GFRA2: variants seen among roughly 807,000 people sequenced by gnomAD.
GFRA2 encodes GDNF family receptor alpha-2.
In GFRA2, 17 loss-of-function variants were observed where a neutral mutation model predicts 48.3. The observed-to-expected ratio is 0.35, with a 90% CI of 0.24 to 0.53. GFRA2 has a LOEUF of 0.53. GFRA2 is among the 20% of genes least tolerant of loss of function. GFRA2 has a pLI of 0.93. For missense variants in GFRA2, 660 were observed against 637.3 expected, an observed-to-expected ratio of 1.04 and a Z score of -0.38; for synonymous variants, 305 against 257.2, an observed-to-expected ratio of 1.19 and a Z score of -1.78.
chr8:21,809,490 AT>A (rs5890006), intron 1 of GFRA2, among the ~76,000 whole-genome samples: 82,466 of 150,290 alleles, frequency 0.55, 25,855 homozygotes, highest in African/African-American at 0.87. Context: ...ATGCCCAGCT[AT>A]TTTTTTTTTG....
At chr8:21,788,907 C>T, upstream of GFRA2, 1 of 578,132 alleles carries the variant, frequency 1.7e-6, no homozygotes, top group Non-Finnish European at 2.2e-6. Context: ...CCCCTTCTCC[C>T]ACTCTCCCTG....
At chr8:21,796,589 G>C (rs1807681380) in intron 2 of GFRA2, among the ~76,000 whole-genome samples, 1 of 152,196 alleles carries the variant, frequency 6.6e-6, no homozygotes, top group African/African-American at 2.4e-5. Context: ...GCCTTCCCTG[G>C]GCCCAACCCA....
At chr8:21,719,656 G>A (rs544446689) in intron 4 of GFRA2, among the ~76,000 whole-genome samples, 1 of 152,298 alleles carries the variant, frequency 6.6e-6, no homozygotes, top group South Asian at 2.1e-4. Flanking sequence ...TAAGAGTGTG[G>A]TTAGCCTTGA....
chr8:21,753,895 CTCCTGGATCT>C (rs1805420918), intron 3 of GFRA2, among the ~76,000 whole-genome samples: 2 of 152,246 alleles, frequency 1.3e-5, no homozygotes, highest in Non-Finnish European at 2.9e-5. Context: ...CCACCCCAGC[CTCCTGGATCT>C]TCCTGGAACA....
chr8:21,748,473 C>A (rs1324160188), intron 4 of GFRA2, among the ~76,000 whole-genome samples: 3 of 152,156 alleles, frequency 2.0e-5, no homozygotes, highest in Non-Finnish European at 4.4e-5. Flanking sequence ...TGACTTTCAG[C>A]CAGTCACCTA....
intron 2 of GFRA2, among the ~76,000 whole-genome samples, chr8:21,775,284 G>A (rs1806639688): frequency 6.6e-6 from 1 of 152,200 alleles, no homozygotes; most frequent in Admixed American, 6.5e-5. Context: ...TAGAGGAGAA[G>A]CTCCCTGACA....
chr8:21,755,671 A>G (rs2117616623), intron 3 of GFRA2, among the ~76,000 whole-genome samples: 1 of 152,292 alleles, frequency 6.6e-6, no homozygotes, highest in East Asian at 1.9e-4. Flanking sequence ...AAGCAGTGAC[A>G]TCACTGCTGA....
At chr8:21,700,897 C>A (rs1337523368) in intron 7 of GFRA2, among the ~76,000 whole-genome samples, 2 of 152,058 alleles carry the variant, frequency 1.3e-5, no homozygotes, top group African/African-American at 4.8e-5. Context: ...CTATGGGTGC[C>A]CCTAACACCC....
At chr8:21,781,817 A>G (rs1807003796) in intron 2 of GFRA2, among the ~76,000 whole-genome samples, 1 of 152,066 alleles carries the variant, frequency 6.6e-6, no homozygotes, top group East Asian at 1.9e-4. Context: ...ACAGATGCAA[A>G]TCCTCCACAC....
chr8:21,708,731 G>A (rs968712576), intron 4 of GFRA2, among the ~76,000 whole-genome samples: 5 of 152,162 alleles, frequency 3.3e-5, no homozygotes, highest in South Asian at 2.1e-4. Context: ...GAAGCCAGAA[G>A]CCAAGGAATG....
At chr8:21,707,328 T>C (rs1243278866) in intron 4 of GFRA2, among the ~76,000 whole-genome samples, 1 of 152,160 alleles carries the variant, frequency 6.6e-6, no homozygotes, top group African/African-American at 2.4e-5. Context: ...TGGAACCCTG[T>C]CCCATTTGGG....
At chr8:21,790,970 T>G (rs1334454609), upstream of GFRA2, among the ~76,000 whole-genome samples, 1 of 151,870 alleles carries the variant, frequency 6.6e-6, no homozygotes, top group Admixed American at 6.6e-5. Flanking sequence ...CCCCCTCTCA[T>G]CTCCTCGACT....
At chr8:21,706,628 C>T (rs1008190387) in intron 4 of GFRA2, among the ~76,000 whole-genome samples, 4 of 152,170 alleles carry the variant, frequency 2.6e-5, no homozygotes, top group South Asian at 2.1e-4. Flanking sequence ...AGAGCAAAGG[C>T]TCCTCTGCCA....
chr8:21,752,938 G>A (rs1313217673), intron 3 of GFRA2, among the ~76,000 whole-genome samples: 1 of 152,032 alleles, frequency 6.6e-6, no homozygotes, highest in African/African-American at 2.4e-5. Context: ...ACCTGGATCT[G>A]AGCCACCGAC....
Position 21,758,205 on chromosome 8 carries a change from C to CCACA in GFRA2, c.440-7267_440-7264dup, listed in dbSNP as rs68120271. ...AGCAGGGCTGCCCTTGGCCCACTCCCCACACACACACACACACACACACCT... is the reference window on the plus strand; with the variant it reads ...AGCAGGGCTGCCCTTGGCCCACTCCCCACACACACACACACACACACACACACCT... On this transcript the variant is annotated intron_variant, in intron 3 of 8. Coordinates refer to ENST00000524240, the MANE Select transcript of GFRA2 (RefSeq NM_001495.5). Among the ~76,000 whole-genome samples, 11 of 89,196 alleles carry CCACA rather than the reference C, an allele frequency of 1.2e-4. No individual in the cohort carries two copies. The East Asian group carries it at 3.1e-3, about 25-fold the overall frequency. The allele number at this position is 89,196 out of a possible 152,430, so 58.5% of individuals were successfully genotyped here. A position where few individuals can be genotyped will look rare whatever the true frequency, so the allele number is the denominator to read the frequency against.
chr8:21,712,077 ACTT>A (rs1162280426), intron 4 of GFRA2, among the ~76,000 whole-genome samples: 7 of 152,378 alleles, frequency 4.6e-5, no homozygotes, highest in African/African-American at 1.7e-4. Context: ...TCCCATGTCT[ACTT>A]CTTTCTACAC....
intron 5 of GFRA2, 39 bp from the exon 6 acceptor site, chr8:21,705,164 G>C: frequency 1.9e-6 from 3 of 1,580,200 alleles, no homozygotes; most frequent in Non-Finnish European, 2.6e-6. Context: ...AGAGAGGTAC[G>C]GTGGGGCCTT....
At position 21,782,837 on chromosome 8, in the gene GFRA2, G is replaced by A. The variant is rs1381807810; in HGVS notation, c.103C>T (p.Arg35Cys). ...SLQGPELHGW[R>C]PPVDCVRANE... is the part of the protein sequence containing the mutation. ...GCCCGGACACAGTCCACTGGGGGGC[G>A]CCAGCCGTGGAGCTCGGGGCCCTGC... Residue 35 changes from arginine (R) to cysteine (C), a missense_variant, in exon 2 of 9, where the codon CGC (arginine) becomes TGC (cysteine). Transcript: ENST00000524240. The A allele has an allele frequency of 7.6e-6, 12 of 1,569,938 alleles. No homozygotes were observed. Among genetic ancestry groups the A allele is most frequent in the East Asian group, 2.3e-5 (1 of 43,116 alleles).
chr8:21,698,660 C>T (rs1228649909), intron 7 of GFRA2, among the ~76,000 whole-genome samples: 1 of 152,174 alleles, frequency 6.6e-6, no homozygotes, highest in African/African-American at 2.4e-5. Context: ...TCTCCATCAC[C>T]ACAACTCAGT....
Sources: allele counts gnomAD v4.1 joint callset (sites outside exome capture counted in the v4.1 genomes callset), GRCh38; gene constraint gnomAD v4.1.1; transcripts MANE v1.5; gene names NCBI Gene and HGNC (gene_info 2026-07-23, HGNC 2026-07-21).